Variants in ARHGEF3 observed in about 807,000 individuals in gnomAD.
The protein encoded by ARHGEF3 is Rho guanine nucleotide exchange factor 3.
A neutral mutation model predicts 63.2 loss-of-function variants in ARHGEF3; 28 were observed. That is an observed-to-expected ratio of 0.44 (90% CI 0.33 to 0.61). The LOEUF is 0.61. Ranked by LOEUF, ARHGEF3 falls within the 20% of genes least tolerant of loss-of-function variation. The pLI, the probability that ARHGEF3 is intolerant of heterozygous loss-of-function variation, is 0.03. For missense variants in ARHGEF3, 533 were observed against 659.3 expected (o/e 0.81, Z 2.10); for synonymous variants, 266 against 254.2 (o/e 1.05, Z -0.44).
chr3:56,863,872 A>C (rs952101868), intron 4 of ARHGEF3, among the ~76,000 whole-genome samples: 1 of 152,234 alleles, frequency 6.6e-6, no homozygotes, highest in African/African-American at 2.4e-5. Context: ...AGAGAGGTGA[A>C]GCAATACATA....
intron 2 of ARHGEF3, among the ~76,000 whole-genome samples, chr3:56,771,679 A>G (rs2036015191): frequency 6.6e-6 from 1 of 152,248 alleles, no homozygotes; most frequent in South Asian, 2.1e-4. Flanking sequence ...ATATGAGGGC[A>G]AGAAGAGCCT....
At chr3:57,007,750 G>A (rs1161977423) in intron 2 of ARHGEF3, among the ~76,000 whole-genome samples, 2 of 152,126 alleles carry the variant, frequency 1.3e-5, no homozygotes, top group African/African-American at 4.8e-5. Flanking sequence ...GGTGTTTAGG[G>A]CTCACGCTGC....
intron 3 of ARHGEF3, among the ~76,000 whole-genome samples, chr3:56,898,241 G>A (rs946288620): frequency 7.9e-5 from 12 of 151,886 alleles, no homozygotes; most frequent in Non-Finnish European, 1.5e-4. Flanking sequence ...ATGGAGTCCC[G>A]CTGTGTTGCC....
intron 4 of ARHGEF3, among the ~76,000 whole-genome samples, chr3:56,868,377 G>A (rs74993262): frequency 5.3e-4 from 68 of 129,222 alleles, no homozygotes; most frequent in African/African-American, 1.9e-3. Context: ...TTTTTTTTTC[G>A]AGACAGAGTC....
intron 2 of ARHGEF3, among the ~76,000 whole-genome samples, chr3:57,010,899 TAGAA>T (rs1404534459): frequency 1.3e-5 from 2 of 152,044 alleles, no homozygotes; most frequent in African/African-American, 4.8e-5. Context: ...CCACTAAGCT[TAGAA>T]AGAAAGATTA....
At chr3:56,980,829 T>C (rs938285986) in intron 2 of ARHGEF3, among the ~76,000 whole-genome samples, 3 of 152,230 alleles carry the variant, frequency 2.0e-5, no homozygotes, top group African/African-American at 7.2e-5. Flanking sequence ...GAAGCAGCAA[T>C]GCTACCAGGC....
intron 4 of ARHGEF3, among the ~76,000 whole-genome samples, chr3:56,845,108 C>T (rs969082136): frequency 6.6e-6 from 1 of 151,204 alleles, no homozygotes; most frequent in Non-Finnish European, 1.5e-5. Flanking sequence ...GAAACTGAAG[C>T]CCTCAGTCCT....
chr3:56,892,435 C>T (rs2041156005), intron 3 of ARHGEF3, among the ~76,000 whole-genome samples: 1 of 152,142 alleles, frequency 6.6e-6, no homozygotes, highest in African/African-American at 2.4e-5. Flanking sequence ...AGATTGGACT[C>T]ACTGCAATCC....
At chr3:56,906,400 T>C (rs977301387) in intron 3 of ARHGEF3, among the ~76,000 whole-genome samples, 1 of 152,218 alleles carries the variant, frequency 6.6e-6, no homozygotes, top group African/African-American at 2.4e-5. Flanking sequence ...AAGCCACATG[T>C]GGTCACTGAC....
At chr3:56,877,592 C>T (rs923238570) in intron 4 of ARHGEF3, among the ~76,000 whole-genome samples, 6 of 152,008 alleles carry the variant, frequency 3.9e-5, no homozygotes, top group African/African-American at 1.5e-4. Flanking sequence ...AGACTGGTCT[C>T]GAACTTCTGG....
At chr3:57,042,687 TATATATATATA>T (rs1359361903) in intron 1 of ARHGEF3, among the ~76,000 whole-genome samples, 991 of 24,774 alleles carry the variant, frequency 0.04, 98 homozygotes, top group South Asian at 0.072. Flanking sequence ...TATATATATA[TATATATATATA>T]TATTTTTTTT....
At chr3:56,803,022 TA>T (rs141381100), upstream of ARHGEF3, among the ~76,000 whole-genome samples, 5,197 of 151,276 alleles carry the variant, frequency 0.034, 280 homozygotes, top group African/African-American at 0.11. Context: ...CCATTTGTGT[TA>T]AAAAAAAATA....
intron 1 of ARHGEF3, among the ~76,000 whole-genome samples, chr3:56,790,818 G>A (rs1375158696): frequency 1.3e-5 from 2 of 152,136 alleles, no homozygotes; most frequent in African/African-American, 4.8e-5. Flanking sequence ...TCTGCCACTA[G>A]CTTGTTCCCT....
At chr3:56,944,890 T>C (rs1396365918) in intron 3 of ARHGEF3, among the ~76,000 whole-genome samples, 1 of 152,158 alleles carries the variant, frequency 6.6e-6, no homozygotes, top group Non-Finnish European at 1.5e-5. Context: ...AAAAGTAGTT[T>C]CTTGAGATAG....
Position 56,808,016 on chromosome 3 carries a change from C to T in ARHGEF3, c.193-34200G>A, listed in dbSNP as rs145928231. 9.8e-3 allele frequency among the ~76,000 whole-genome samples: 1,483 copies of T among 151,622 alleles called. 70 individuals carry two copies. In the East Asian group the frequency reaches 0.1, roughly 10 times the overall value. ...GCGGGTGCCTGTAGTCCTAGATACTCGGGAGGCTGAGGCAGGAGAATCACT... is the reference window on the plus strand; with the variant it reads ...GCGGGTGCCTGTAGTCCTAGATACTTGGGAGGCTGAGGCAGGAGAATCACT... On this transcript the variant is annotated intron_variant, in intron 4 of 12. Coordinates refer to the ARHGEF3 transcript ENST00000338458.
At chr3:56,972,146 G>A (rs988368972) in intron 2 of ARHGEF3, among the ~76,000 whole-genome samples, 6 of 152,070 alleles carry the variant, frequency 3.9e-5, no homozygotes, top group African/African-American at 1.5e-4. Context: ...GCCACCACAG[G>A]GAGAGAACGG....
intron 3 of ARHGEF3, among the ~76,000 whole-genome samples, chr3:56,893,926 A>G (rs1482694956): frequency 6.6e-6 from 1 of 151,990 alleles, no homozygotes; most frequent in Non-Finnish European, 1.5e-5. Flanking sequence ...TATTACATAT[A>G]AGGAAACTGA....
chr3:56,843,083 C>A (rs9880315), intron 4 of ARHGEF3, among the ~76,000 whole-genome samples: 69,514 of 151,958 alleles, frequency 0.46, 16,225 homozygotes, highest in East Asian at 0.64. Flanking sequence ...CAGGCCCCCT[C>A]CTCAGAGAGA....
upstream of ARHGEF3, among the ~76,000 whole-genome samples, chr3:56,803,411 C>G (rs545981970): frequency 6.7e-6 from 1 of 150,330 alleles, no homozygotes; most frequent in Non-Finnish European, 1.5e-5. Context: ...TGCACTCCAG[C>G]CTGGGTGACA....
Sources: allele counts gnomAD v4.1 joint callset (sites outside exome capture counted in the v4.1 genomes callset), GRCh38; gene constraint gnomAD v4.1.1; transcripts MANE v1.5; gene names NCBI Gene and HGNC (gene_info 2026-07-23, HGNC 2026-07-21).